Variants in SYN2 observed in about 807,000 individuals in gnomAD.
The protein encoded by SYN2 is synapsin-2.
Under a neutral mutation model 50.9 loss-of-function variants are expected in SYN2, and 19 were observed. The observed-to-expected ratio is 0.37, with a 90% CI of 0.26 to 0.55. The LOEUF is 0.55. SYN2 is among the 20% of genes least tolerant of loss of function. The pLI, the probability that SYN2 is intolerant of heterozygous loss-of-function variation, is 0.81. For synonymous variants in SYN2, 255 were observed against 224.9 expected, an observed-to-expected ratio of 1.13 and a Z score of -1.20; for missense variants, 587 against 576.4, an observed-to-expected ratio of 1.02 and a Z score of -0.19.
At chr3:12,138,294 A>G (rs2125214505) in intron 1 of SYN2, among the ~76,000 whole-genome samples, 1 of 152,338 alleles carries the variant, frequency 6.6e-6, no homozygotes, top group South Asian at 2.1e-4. Flanking sequence ...TAAGATTTCC[A>G]ACAGGACAAA....
chr3:12,186,920 G>T lies in SYN2; in HGVS notation c.1370-449G>T, dbSNP rs116548107. 4.3e-3 allele frequency among the ~76,000 whole-genome samples: 649 copies of T among 152,276 alleles called. 5 individuals are homozygous for T. The highest frequency in any genetic ancestry group is 0.014 in the African/African-American group (597 of 41,552). On this transcript the variant is annotated intron_variant, in intron 11 of 12. Transcript: ENST00000621198. ...AGGGAAGTTTGGTGACTTGCTCAGG[G>T]AGTCACTGGTAGACTATTTCTGAGA... is the stretch of plus-strand genomic sequence containing the variant.
At chr3:12,179,524 T>TAGTAGC (rs1698174938) in intron 10 of SYN2, among the ~76,000 whole-genome samples, 1 of 151,996 alleles carries the variant, frequency 6.6e-6, no homozygotes, top group East Asian at 1.9e-4. Context: ...GCCAGGAAGC[T>TAGTAGC]CACTACTACC....
At chr3:12,117,668 A>G (rs1696462856) in intron 1 of SYN2, among the ~76,000 whole-genome samples, 2 of 152,182 alleles carry the variant, frequency 1.3e-5, no homozygotes. Context: ...AGAATCTGTT[A>G]CATAACCTGT....
chr3:12,037,367 C>G (rs1189475840), intron 1 of SYN2, among the ~76,000 whole-genome samples: 1 of 152,230 alleles, frequency 6.6e-6, no homozygotes, highest in African/African-American at 2.4e-5. Context: ...AGCCCCACTT[C>G]TTTGCACCAA....
rs1003373085 is a variant in SYN2 at position 12,191,714 on chromosome 3, C to A, written c.*1089C>A. ...CTACCTATATTACGGACTTTGTAACCTTTCAAATAAGCACAGAACCCTTGC... is the reference window on the plus strand; with the variant it reads ...CTACCTATATTACGGACTTTGTAACATTTCAAATAAGCACAGAACCCTTGC... On this transcript the variant is annotated 3_prime_UTR_variant, in exon 13 of 13. Transcript: ENST00000621198. Among the ~76,000 whole-genome samples, 1 of 152,144 alleles carries A rather than the reference C, an allele frequency of 6.6e-6. No homozygotes were observed. The highest frequency in any genetic ancestry group is 6.5e-5 in the Admixed American group (1 of 15,270).
intron 1 of SYN2, among the ~76,000 whole-genome samples, chr3:12,101,147 T>C (rs1176817468): frequency 2.0e-5 from 3 of 152,182 alleles, no homozygotes; most frequent in Non-Finnish European, 4.4e-5. Context: ...CCAAGAGAAC[T>C]GAAGATATAT....
intron 5 of SYN2, among the ~76,000 whole-genome samples, chr3:12,160,757 C>G (rs1011130444): frequency 6.6e-6 from 1 of 152,242 alleles, no homozygotes; most frequent in Non-Finnish European, 1.5e-5. Flanking sequence ...TGACATCTAG[C>G]CCAGTGCTCC....
intron 1 of SYN2, among the ~76,000 whole-genome samples, chr3:12,072,846 T>C (rs1016604216): frequency 1.3e-5 from 2 of 152,236 alleles, no homozygotes; most frequent in African/African-American, 4.8e-5. Context: ...GGGCTTGATC[T>C]CTGTGTTTTA....
At chr3:12,106,455 TCTGC>T (rs1696192245) in intron 1 of SYN2, among the ~76,000 whole-genome samples, 1 of 152,206 alleles carries the variant, frequency 6.6e-6, no homozygotes, top group Non-Finnish European at 1.5e-5. Context: ...ATTTTGAAAC[TCTGC>T]CTATCACATT....
intron 7 of SYN2, among the ~76,000 whole-genome samples, chr3:12,164,104 A>G (rs1433533969): frequency 2.6e-5 from 4 of 152,314 alleles, no homozygotes; most frequent in East Asian, 1.9e-4. Context: ...AGACAGAATA[A>G]TTTAAAAACC....
intron 1 of SYN2, among the ~76,000 whole-genome samples, chr3:12,086,115 T>C (rs1206245468): frequency 1.3e-5 from 2 of 151,968 alleles, no homozygotes; most frequent in East Asian, 3.9e-4. Flanking sequence ...ATGTAACAAA[T>C]TGCATAAGCA....
chr3:12,034,450 G>A (rs559673567), intron 1 of SYN2, among the ~76,000 whole-genome samples: 1 of 152,080 alleles, frequency 6.6e-6, no homozygotes, highest in Non-Finnish European at 1.5e-5. Context: ...TAAAAATACT[G>A]TCTTAGTCTG....
At chr3:12,172,151 C>T (rs1023386366) in intron 10 of SYN2, among the ~76,000 whole-genome samples, 4 of 152,164 alleles carry the variant, frequency 2.6e-5, no homozygotes, top group Admixed American at 2.6e-4. Flanking sequence ...AAGGGCTAAT[C>T]CTCACTCTGC....
intron 4 of SYN2, among the ~76,000 whole-genome samples, chr3:12,147,149 A>C (rs1484796312): frequency 1.3e-5 from 2 of 152,110 alleles, no homozygotes; most frequent in Non-Finnish European, 2.9e-5. Flanking sequence ...CTAATTGTGA[A>C]GTTTCCACGC....
At chr3:12,149,093 G>A (rs1225552061) in intron 4 of SYN2, among the ~76,000 whole-genome samples, 1 of 152,196 alleles carries the variant, frequency 6.6e-6, no homozygotes, top group African/African-American at 2.4e-5. Context: ...GAGAGCCTGG[G>A]AACTGGCTGC....
At chr3:12,174,934 T>A (rs1166739195) in intron 10 of SYN2, among the ~76,000 whole-genome samples, 2 of 152,206 alleles carry the variant, frequency 1.3e-5, no homozygotes, top group Non-Finnish European at 2.9e-5. Flanking sequence ...AATTGTCTGT[T>A]CTACTAAAAT....
At chr3:12,090,743 G>A (rs566375258) in intron 1 of SYN2, among the ~76,000 whole-genome samples, 10 of 152,246 alleles carry the variant, frequency 6.6e-5, no homozygotes, top group African/African-American at 2.4e-4. Flanking sequence ...CCTAATTGAT[G>A]TCGTGATGCT....
At chr3:12,102,968 T>C (rs1460813117) in intron 1 of SYN2, among the ~76,000 whole-genome samples, 1 of 152,142 alleles carries the variant, frequency 6.6e-6, no homozygotes, top group Admixed American at 6.6e-5. Context: ...CAGAATTATA[T>C]CATAGTAATT....
At chr3:12,071,672 G>T in intron 1 of SYN2, 1 of 316,752 alleles carries the variant, frequency 3.2e-6, no homozygotes, top group South Asian at 3.0e-5. Flanking sequence ...TGGAAGACAA[G>T]TCTGTGGCTT....
Sources: allele counts gnomAD v4.1 joint callset (sites outside exome capture counted in the v4.1 genomes callset), GRCh38; gene constraint gnomAD v4.1.1; transcripts MANE v1.5; gene names NCBI Gene and HGNC (gene_info 2026-07-23, HGNC 2026-07-21).